SPATA18: variants seen among roughly 807,000 people sequenced by gnomAD.
SPATA18 encodes mitochondria-eating protein.
SPATA18 carries 54 observed loss-of-function variants against 68.1 expected under a neutral mutation model. The ratio of observed to expected loss-of-function variants is 0.79; its 90% CI spans 0.64 to 0.99. The LOEUF is 0.99. Ranked by LOEUF, SPATA18 falls within the 50% of genes least tolerant of loss-of-function variation. The pLI is 0.00. For missense variants in SPATA18, 724 were observed against 681.1 expected (o/e 1.06, Z -0.70); for synonymous variants, 242 against 244.8 (o/e 0.99, Z 0.11).
rs1048248308 is a variant in SPATA18 at position 52,051,468 on chromosome 4, G to C, written c.-237G>C. ...GCTCAGGCGGCTGCTGGGGAGCCAG[G>C]AGACCGCGCGGGACGGCGGATGAGG... On this transcript the variant is annotated 5_prime_UTR_variant, in exon 1 of 13. Transcript: ENST00000295213. 1.9e-6 allele frequency: 1 copy of C among 538,164 alleles called. No homozygotes were observed. Among genetic ancestry groups the C allele is most frequent in the South Asian group, 2.7e-5 (1 of 36,998 alleles). 33.3% of individuals were successfully genotyped at this position (538,164 alleles called of 1,614,324 possible).
intron 11 of SPATA18, among the ~76,000 whole-genome samples, chr4:52,090,280 A>G (rs1020355271): frequency 6.6e-6 from 1 of 152,154 alleles, no homozygotes; most frequent in African/African-American, 2.4e-5. Context: ...GTCCGTTTAC[A>G]TTTAAGGTTA....
Position 52,072,016 on chromosome 4 carries a change from G to A in SPATA18, c.618G>A (p.Arg206=), listed in dbSNP as rs1739892613. 1.2e-5 allele frequency: 20 copies of A among 1,613,976 alleles called. No individual in the cohort carries two copies. The East Asian group carries it at 4.5e-4, about 36-fold the overall frequency. The part of the protein sequence containing the change: ...RRSEPWSLEE[R]KREQWNSLKQ... ...CAGAGCCTTGGAGCTTGGAGGAGCG[G>A]AAGCGTGAGCAGTGGAACTCACTCA... Residue 206 remains arginine, a synonymous_variant, in exon 6 of 13, where the codon CGG becomes CGA. Transcript: ENST00000295213.
At chr4:52,091,219 C>G (rs182100358) in intron 11 of SPATA18, among the ~76,000 whole-genome samples, 1 of 152,022 alleles carries the variant, frequency 6.6e-6, no homozygotes, top group Non-Finnish European at 1.5e-5. Context: ...AGCTTCCTTG[C>G]AGTGGGTTAG....
At position 52,053,453 on chromosome 4, in the gene SPATA18, C is replaced by A. The variant is rs139856537; in HGVS notation, c.87+1662C>A. ...CATTATCACATTGGAATGTTGACAC[C>A]TGTATTCTTCCCCCTCCACTCCTGC... On this transcript the variant is annotated intron_variant, in intron 1 of 12. Transcript: ENST00000295213. 2.0e-5 allele frequency among the ~76,000 whole-genome samples: 3 copies of A among 152,260 alleles called. No homozygotes were observed. In the East Asian group the frequency reaches 5.8e-4, roughly 29 times the overall value.
intron 6 of SPATA18, among the ~76,000 whole-genome samples, chr4:52,074,941 G>A (rs996597925): frequency 1.3e-5 from 2 of 152,198 alleles, no homozygotes; most frequent in African/African-American, 4.8e-5. Flanking sequence ...CAGGAGCCTG[G>A]AAGGACTCAA....
chr4:52,088,201 AT>A (rs1488805398), intron 11 of SPATA18, among the ~76,000 whole-genome samples: 2 of 152,206 alleles, frequency 1.3e-5, no homozygotes, highest in African/African-American at 4.8e-5. Context: ...TAAATATACA[AT>A]CATGTCATCT....
Position 52,070,531 on chromosome 4 carries a change from T to C in SPATA18, c.518+615T>C, listed in dbSNP as rs1739719912. ...GGGGAACATCACACTCTGGGGACTG[T>C]TGTGGGGTAGGGGGAGGGGGGAGGG... On this transcript the variant is annotated intron_variant, in intron 5 of 12. Coordinates refer to ENST00000295213, the MANE Select transcript of SPATA18 (RefSeq NM_145263.4). 2.2e-5 allele frequency among the ~76,000 whole-genome samples: 3 copies of C among 137,738 alleles called. No individual in the cohort carries two copies. The South Asian group carries it at 7.6e-4, about 35-fold the overall frequency. The allele number at this position is 137,738 out of a possible 152,430, so 90.4% of individuals were successfully genotyped here.
intron 10 of SPATA18, chr4:52,082,916 T>A: frequency 4.1e-6 from 4 of 985,416 alleles, no homozygotes; most frequent in Non-Finnish European, 4.8e-6. Context: ...TTTGGGAAAC[T>A]GCCAATGTGC....
At chr4:52,092,486 C>G (rs1560614789) in intron 11 of SPATA18, among the ~76,000 whole-genome samples, 2 of 152,210 alleles carry the variant, frequency 1.3e-5, no homozygotes, top group East Asian at 3.9e-4. Flanking sequence ...CTTTGCACTT[C>G]CCAGGTGAGG....
intron 11 of SPATA18, among the ~76,000 whole-genome samples, chr4:52,091,841 G>A (rs1269773749): frequency 6.6e-6 from 1 of 152,196 alleles, no homozygotes; most frequent in African/African-American, 2.4e-5. Flanking sequence ...CCATCAGGCT[G>A]GGACGTTTAA....
chr4:52,073,858 A>AATGT (rs1362812403), intron 6 of SPATA18, among the ~76,000 whole-genome samples: 1 of 152,184 alleles, frequency 6.6e-6, no homozygotes, highest in African/African-American at 2.4e-5. Context: ...CAGACACATT[A>AATGT]ATGTAGATCA....
At chr4:52,084,365 GA>G (rs1167781174) in intron 10 of SPATA18, among the ~76,000 whole-genome samples, 10 of 152,142 alleles carry the variant, frequency 6.6e-5, no homozygotes, top group Admixed American at 2.0e-4. Flanking sequence ...ACTTGGAAAA[GA>G]AAGGGGTTGA....
Position 52,060,719 on chromosome 4 carries a change from A to T in SPATA18, c.194-63A>T, listed in dbSNP as rs1468842292. 13 of 1,360,006 alleles carry T rather than the reference A, an allele frequency of 9.6e-6. No individual in the cohort carries two copies. In the Admixed American group the frequency reaches 2.2e-4, roughly 23 times the overall value. 84.2% of individuals were successfully genotyped at this position (1,360,006 alleles called of 1,614,324 possible). A position where few individuals can be genotyped will look rare whatever the true frequency, so the allele number is the denominator to read the frequency against. ...CATGTACACAACGTGCAGGTTAGTTACATATGTATACATGTGCCATGTTGG... is the reference window on the plus strand; with the variant it reads ...CATGTACACAACGTGCAGGTTAGTTTCATATGTATACATGTGCCATGTTGG... On this transcript the variant is annotated intron_variant, in intron 2 of 12. Transcript: ENST00000295213.
In SPATA18 at chr4:52,051,545, A is replaced by C; in HGVS notation, c.-160A>C. On this transcript the variant is annotated 5_prime_UTR_variant, in exon 1 of 13. Transcript: ENST00000295213. The stretch of plus-strand genomic sequence containing the variant: ...CCCCTCTGGCTTCCCGAACCCGGCC[A>C]GGTCCGACCCGAGGGGGAGGATGGA... 6 of 704,506 alleles carry C rather than the reference A, an allele frequency of 8.5e-6. No individual in the cohort carries two copies. Among genetic ancestry groups the C allele is most frequent in the East Asian group, 2.6e-5 (1 of 38,772 alleles). 43.6% of individuals were successfully genotyped at this position (704,506 alleles called of 1,614,324 possible). A position where few individuals can be genotyped will look rare whatever the true frequency, so the allele number is the denominator to read the frequency against.
rs375992709 is a variant in SPATA18, at chr4:52,077,010, C to G, written c.990C>G (p.Thr330=). 2.5e-6 allele frequency: 4 copies of G among 1,609,778 alleles called. No individual in the cohort carries two copies. The highest frequency in any genetic ancestry group is 1.3e-5 in the African/African-American group (1 of 74,842). ...LLRRCIDKAE[T]VQRIIYIATV... ...GGCGCTGCATCGACAAGGCTGAGACCGTTCAGCGGATCATCTACATCGCCA... is the reference window on the plus strand; with the variant it reads ...GGCGCTGCATCGACAAGGCTGAGACGGTTCAGCGGATCATCTACATCGCCA... Residue 330 remains threonine (T), a synonymous_variant, in exon 7 of 13, where the codon ACC becomes ACG. Coordinates refer to ENST00000295213, the MANE Select transcript of SPATA18 (RefSeq NM_145263.4).
Position 52,051,752 on chromosome 4 carries a change from G to A in SPATA18, c.48G>A (p.Thr16=), listed in dbSNP as rs749790080. The A allele has an allele frequency of 6.2e-6, 10 of 1,614,092 alleles. No individual in the cohort carries two copies. Among genetic ancestry groups the A allele is most frequent in the Non-Finnish European group, 8.5e-6 (10 of 1,180,044 alleles). The change falls in exon 1 of 13, where the codon ACG becomes ACA. Residue 16 remains threonine, a synonymous_variant. Coordinates refer to ENST00000295213, the MANE Select transcript of SPATA18 (RefSeq NM_145263.4). ...KRLVSNETLR[T]LQEKLDFWLK... ...TGGTCTCAAACGAAACTTTACGAAC[G>A]TTGCAGGAAAAGCTAGACTTCTGGC...
intron 2 of SPATA18, 125 bp downstream of exon 2, chr4:52,060,649 T>C: frequency 8.8e-7 from 1 of 1,135,814 alleles, no homozygotes. Flanking sequence ...ACCTGATGTG[T>C]GTATTCTCTC....
chr4:52,079,826 A>T lies in SPATA18; in HGVS notation c.1262A>T (p.Gln421Leu). ...TTTTGCCTTCTCAGTGACTTCATCC[A>T]GGAGATATGTTGCATTGCCTTTGCA... ...VDFCLLSDFIQEICCIAFAMQ... is the reference protein window; with the variant it reads ...VDFCLLSDFILEICCIAFAMQ... The change falls in exon 9 of 13, where the codon CAG (glutamine) becomes CTG (leucine). Residue 421 changes from glutamine to leucine, a missense_variant. Coordinates refer to ENST00000295213, the MANE Select transcript of SPATA18 (RefSeq NM_145263.4). 6.2e-7 allele frequency: 1 copy of T among 1,614,074 alleles called. No homozygotes were observed. Among genetic ancestry groups the T allele is most frequent in the East Asian group, 2.2e-5 (1 of 44,874 alleles).
intron 1 of SPATA18, among the ~76,000 whole-genome samples, chr4:52,052,904 G>A (rs1738023055): frequency 6.6e-6 from 1 of 152,158 alleles, no homozygotes; most frequent in South Asian, 2.1e-4. Flanking sequence ...CCTTTCTAGT[G>A]CTTCCTGTTC....
Sources: allele counts gnomAD v4.1 joint callset (sites outside exome capture counted in the v4.1 genomes callset), GRCh38; gene constraint gnomAD v4.1.1; transcripts MANE v1.5; gene names NCBI Gene and HGNC (gene_info 2026-07-23, HGNC 2026-07-21).